UGT1A8: variants seen among roughly 807,000 people sequenced by gnomAD.
UGT1A8 encodes UDP-glucuronosyltransferase 1A8.
In UGT1A8, 39 loss-of-function variants were observed where a neutral mutation model predicts 45.3. The ratio of observed to expected loss-of-function variants is 0.86; its 90% CI spans 0.67 to 1.12. UGT1A8 has a LOEUF of 1.12. UGT1A8 is among the 50% of genes most tolerant of loss of function. UGT1A8 has a pLI of 0.00. For synonymous variants in UGT1A8, 275 were observed against 249.2 expected, an observed-to-expected ratio of 1.10 and a Z score of -0.97; for missense variants, 719 against 664.9, an observed-to-expected ratio of 1.08 and a Z score of -0.90.
chr2:233,623,232 A>G (rs1037221630), intron 1 of UGT1A8, among the ~76,000 whole-genome samples: 1 of 152,064 alleles, frequency 6.6e-6, no homozygotes, highest in Admixed American at 6.6e-5. Context: ...TCCATATGAA[A>G]TTTAAAGTAG....
chr2:233,624,696 A>C (rs577872614), intron 1 of UGT1A8, among the ~76,000 whole-genome samples: 2 of 152,198 alleles, frequency 1.3e-5, no homozygotes, highest in African/African-American at 4.8e-5. Context: ...GGATTTTAGA[A>C]TAAGTTTGTT....
intron 1 of UGT1A8, among the ~76,000 whole-genome samples, chr2:233,659,087 A>G (rs1173606892): frequency 2.0e-5 from 3 of 152,192 alleles, no homozygotes; most frequent in Non-Finnish European, 4.4e-5. Context: ...ATATCTCTAT[A>G]TTCAGATCTC....
At chr2:233,704,381 T>C (rs1381509965) in intron 1 of UGT1A8, among the ~76,000 whole-genome samples, 1 of 152,038 alleles carries the variant, frequency 6.6e-6, no homozygotes, top group African/African-American at 2.4e-5. Flanking sequence ...AGCACATCGA[T>C]TTTAACTTAC....
rs182452303 is a variant in UGT1A8, at chr2:233,698,543, T to C, written c.856-68491T>C. On this transcript the variant is annotated intron_variant, in intron 1 of 4. Coordinates refer to ENST00000373450, the MANE Select transcript of UGT1A8 (RefSeq NM_019076.5). ...ATACATAAAGTAAACAGAACACGAG[T>C]GGCCAACAAAACTTTAAGAACATGT... Among the ~76,000 whole-genome samples the C allele has an allele frequency of 5.0e-4, 76 of 152,258 alleles. 2 individuals carry two copies. Among genetic ancestry groups the C allele is most frequent in the Admixed American group, 4.9e-3 (75 of 15,286 alleles).
At chr2:233,716,621 G>T (rs1407040696) in intron 1 of UGT1A8, among the ~76,000 whole-genome samples, 2 of 152,070 alleles carry the variant, frequency 1.3e-5, no homozygotes, top group Non-Finnish European at 2.9e-5. Context: ...GTTTATTCTA[G>T]TGAAGTTTTT....
At chr2:233,685,128 C>A (rs901416768) in intron 1 of UGT1A8, among the ~76,000 whole-genome samples, 2 of 152,126 alleles carry the variant, frequency 1.3e-5, no homozygotes, top group South Asian at 4.1e-4. Context: ...AGGTGAATTA[C>A]ATCCAGGGAT....
chr2:233,644,927 T>A (rs944477325), intron 1 of UGT1A8, among the ~76,000 whole-genome samples: 1 of 152,190 alleles, frequency 6.6e-6, no homozygotes, highest in African/African-American at 2.4e-5. Flanking sequence ...TTTTCCAGTA[T>A]TGACAATCCT....
At chr2:233,636,260 C>G (rs1171790174) in intron 1 of UGT1A8, among the ~76,000 whole-genome samples, 1 of 140,980 alleles carries the variant, frequency 7.1e-6, no homozygotes, top group Non-Finnish European at 1.5e-5. Context: ...TTTCTAAACT[C>G]ACTTGCAGCG....
intron 1 of UGT1A8, among the ~76,000 whole-genome samples, chr2:233,748,510 G>A (rs1250005538): frequency 1.3e-5 from 2 of 151,856 alleles, no homozygotes; most frequent in Non-Finnish European, 2.9e-5. Context: ...TAGTGGTCCT[G>A]TCTTGCGAAT....
intron 1 of UGT1A8, among the ~76,000 whole-genome samples, chr2:233,660,575 G>A (rs375040134): frequency 9.2e-5 from 14 of 152,156 alleles, no homozygotes; most frequent in East Asian, 1.9e-4. Context: ...GGGAGCTGGC[G>A]TTTATTTTTT....
chr2:233,719,365 T>C, intron 1 of UGT1A8: 1 of 1,613,926 alleles, frequency 6.2e-7, no homozygotes. Context: ...GACTTAGACT[T>C]TAAGGGCACA....
At chr2:233,721,825 G>T in intron 1 of UGT1A8, 1 of 515,562 alleles carries the variant, frequency 1.9e-6, no homozygotes, top group Non-Finnish European at 3.9e-6. Context: ...ACCCTATTTG[G>T]GCCACCGACC....
chr2:233,754,001 T>G (rs1457314312), intron 1 of UGT1A8, among the ~76,000 whole-genome samples: 1 of 152,230 alleles, frequency 6.6e-6, no homozygotes, highest in Non-Finnish European at 1.5e-5. Context: ...GTTTGGGTAA[T>G]TTGTTACAGC....
chr2:233,713,914 A>T (rs2076356497), intron 1 of UGT1A8: 2 of 1,612,536 alleles, frequency 1.2e-6, no homozygotes, highest in Admixed American at 3.3e-5. Flanking sequence ...TTTTTAAAAA[A>T]TGTATTTACT....
In UGT1A8 at chr2:233,617,950, C is replaced by T. The variant is rs754587908; in HGVS notation, c.243C>T (p.Tyr81=). 5 of 1,614,082 alleles carry T rather than the reference C, an allele frequency of 3.1e-6. No individual in the cohort carries two copies. The East Asian group carries it at 8.9e-5, about 29-fold the overall frequency. ...CAGTGAAGACTTACTCAACCTCATA[C>T]ACTCTGGAGGATCTGGACCGGGAAT... The part of the protein sequence containing the change: ...NCTVKTYSTS[Y]TLEDLDREFM... The change falls in exon 1 of 5, where the codon TAC becomes TAT. Residue 81 remains tyrosine (Y), a synonymous_variant. Transcript: ENST00000373450.
chr2:233,639,543 C>T (rs1169599760), intron 1 of UGT1A8, among the ~76,000 whole-genome samples: 1 of 152,166 alleles, frequency 6.6e-6, no homozygotes, highest in Non-Finnish European at 1.5e-5. Flanking sequence ...GTCTGAGTCT[C>T]ATCTGTCTGA....
At chr2:233,656,451 G>A (rs1325305016) in intron 1 of UGT1A8, among the ~76,000 whole-genome samples, 2 of 152,202 alleles carry the variant, frequency 1.3e-5, no homozygotes, top group African/African-American at 4.8e-5. Flanking sequence ...CGGTGGAGGT[G>A]CACTTGTTTA....
chr2:233,727,334 C>G (rs2077606253), intron 1 of UGT1A8, among the ~76,000 whole-genome samples: 1 of 152,132 alleles, frequency 6.6e-6, no homozygotes, highest in South Asian at 2.1e-4. Context: ...GGAGCTCCTC[C>G]CTCCCCATAG....
At chr2:233,639,095 G>T (rs1337469752) in intron 1 of UGT1A8, among the ~76,000 whole-genome samples, 1 of 152,096 alleles carries the variant, frequency 6.6e-6, no homozygotes, top group Non-Finnish European at 1.5e-5. Flanking sequence ...GGCCTTTAAA[G>T]ATATAAAAAC....
Sources: gnomAD v4.1 joint callset for allele counts (sites outside exome capture counted in the v4.1 genomes callset) on GRCh38, gnomAD v4.1.1 for gene constraint, MANE v1.5 for transcripts, NCBI Gene and HGNC (gene_info 2026-07-23, HGNC 2026-07-21) for gene names.